Variants in AK4 observed in about 807,000 individuals in gnomAD.
AK4 encodes adenylate kinase 4.
AK4 carries 13 observed loss-of-function variants against 24.6 expected under a neutral mutation model. The ratio of observed to expected loss-of-function variants is 0.53; its 90% CI spans 0.34 to 0.84. The LOEUF (loss-of-function observed/expected upper bound fraction) is 0.84. Among genes scored for constraint, AK4 ranks in the 40% least tolerant of loss-of-function variants. AK4 has a pLI of 0.01. For synonymous variants in AK4, 88 were observed against 107.0 expected (o/e 0.82, Z 1.10); for missense variants, 192 against 288.2 (o/e 0.67, Z 2.42).
chr1:65,193,027 G>A (rs1553124945), intron 2 of AK4, among the ~76,000 whole-genome samples: 1 of 152,162 alleles, frequency 6.6e-6, no homozygotes, highest in Non-Finnish European at 1.5e-5. Context: ...GTTGACAGTG[G>A]CCCACTCCCA....
chr1:65,224,302 G>A (rs191325601), intron 3 of AK4, among the ~76,000 whole-genome samples: 7 of 152,226 alleles, frequency 4.6e-5, no homozygotes, highest in East Asian at 1.9e-4. Context: ...GTACTGAACC[G>A]TATTCTCCTA....
At chr1:65,169,989 G>A (rs1650455580) in intron 1 of AK4, among the ~76,000 whole-genome samples, 2 of 152,036 alleles carry the variant, frequency 1.3e-5, no homozygotes, top group South Asian at 2.1e-4. Flanking sequence ...GTTTTGTAGA[G>A]GAAATGAATT....
rs188984865 is a variant in AK4, at chr1:65,212,607, G to C, written c.266-6147G>C. Among the ~76,000 whole-genome samples the C allele has an allele frequency of 2.2e-3, 333 of 152,190 alleles. 1 individual carries two copies. Among genetic ancestry groups the C allele is most frequent in the African/African-American group, 7.7e-3 (321 of 41,514 alleles). ...GGGCTTATGCAATCCTTCTACCTCA[G>C]CCTCCCAAGTAGCTGGGACTACAGA... On this transcript the variant is annotated intron_variant, in intron 2 of 4. Transcript: ENST00000327299.
chr1:65,205,656 T>C (rs1270241130), intron 2 of AK4, among the ~76,000 whole-genome samples: 4 of 152,234 alleles, frequency 2.6e-5, no homozygotes. Context: ...ATGTCCTATA[T>C]AGAGTGTATC....
intron 1 of AK4, among the ~76,000 whole-genome samples, chr1:65,186,410 C>T (rs374002176): frequency 1.3e-5 from 2 of 152,244 alleles, no homozygotes; most frequent in East Asian, 1.9e-4. Flanking sequence ...ATTACAGGCA[C>T]GAACCATCAG....
chr1:65,199,086 CAAA>C (rs34278926), intron 2 of AK4, among the ~76,000 whole-genome samples: 13 of 104,134 alleles, frequency 1.2e-4, no homozygotes, highest in Admixed American at 2.9e-4. Context: ...GACTCCGCCT[CAAA>C]AAAAAAAAAA....
chr1:65,153,269 T>A (rs1361542827), intron 1 of AK4, among the ~76,000 whole-genome samples: 1 of 152,096 alleles, frequency 6.6e-6, no homozygotes, highest in Non-Finnish European at 1.5e-5. Flanking sequence ...CCAGTGGGAT[T>A]TTTTTTCTTC....
In AK4 at chr1:65,189,136, T is replaced by C. The variant is rs371451629; in HGVS notation, c.146-1574T>C. Among the ~76,000 whole-genome samples the C allele has an allele frequency of 2.8e-4, 42 of 151,810 alleles. 1 individual carries two copies. The highest frequency in any genetic ancestry group is 1.0e-3 in the African/African-American group (42 of 41,404). On this transcript the variant is annotated intron_variant, in intron 1 of 4. Transcript: ENST00000327299. ...TTTTAGTAGAGATGGTATTTCACCATGTTAGCCAGGCTGGTCTCGAACTCT... is the reference window on the plus strand; with the variant it reads ...TTTTAGTAGAGATGGTATTTCACCACGTTAGCCAGGCTGGTCTCGAACTCT...
intron 2 of AK4, among the ~76,000 whole-genome samples, chr1:65,191,114 T>C (rs922610613): frequency 6.6e-6 from 1 of 152,194 alleles, no homozygotes; most frequent in Non-Finnish European, 1.5e-5. Flanking sequence ...TGAGTATAAC[T>C]CCTCTTCAAT....
In AK4 at chr1:65,150,685, C is replaced by G. The variant is rs188294688; in HGVS notation, c.145+2133C>G. 4.6e-5 allele frequency among the ~76,000 whole-genome samples: 7 copies of G among 152,270 alleles called. No homozygotes were observed. In the East Asian group the frequency reaches 1.3e-3, roughly 29 times the overall value. ...TTTCCTGGTGGGAAACACAACCACC[C>G]TTCTGTATGTACCCTTTATAATGGA... On this transcript the variant is annotated intron_variant, in intron 1 of 4. Coordinates refer to ENST00000327299, the MANE Select transcript of AK4 (RefSeq NM_013410.4).
At chr1:65,156,239 A>C (rs1649980557) in intron 1 of AK4, among the ~76,000 whole-genome samples, 1 of 151,826 alleles carries the variant, frequency 6.6e-6, no homozygotes, top group Non-Finnish European at 1.5e-5. Context: ...CCTATCCCTG[A>C]CTCTTGGTTC....
At chr1:65,217,113 C>A (rs1042293793) in intron 2 of AK4, among the ~76,000 whole-genome samples, 1 of 152,152 alleles carries the variant, frequency 6.6e-6, no homozygotes, top group Non-Finnish European at 1.5e-5. Context: ...GTGGATGGCT[C>A]ACAGGCAGTA....
At chr1:65,222,365 C>A (rs1652325629) in intron 3 of AK4, among the ~76,000 whole-genome samples, 1 of 152,148 alleles carries the variant, frequency 6.6e-6, no homozygotes, top group South Asian at 2.1e-4. Flanking sequence ...ACTTTACAGG[C>A]TGATCTTTGT....
At chr1:65,183,797 C>A (rs987859077) in intron 1 of AK4, among the ~76,000 whole-genome samples, 2 of 151,910 alleles carry the variant, frequency 1.3e-5, no homozygotes, top group Non-Finnish European at 2.9e-5. Flanking sequence ...TAAGATGATG[C>A]AGAATGTGAG....
At chr1:65,161,457 A>C (rs1029345637) in intron 1 of AK4, among the ~76,000 whole-genome samples, 1 of 152,152 alleles carries the variant, frequency 6.6e-6, no homozygotes, top group Admixed American at 6.5e-5. Flanking sequence ...ACAAGGCAGC[A>C]AGGAGTGCTT....
At chr1:65,187,835 T>TA (rs1167713824) in intron 1 of AK4, among the ~76,000 whole-genome samples, 4 of 152,198 alleles carry the variant, frequency 2.6e-5, no homozygotes, top group Non-Finnish European at 5.9e-5. Flanking sequence ...ATGGAGTATG[T>TA]AGCCAATAAA....
intron 1 of AK4, among the ~76,000 whole-genome samples, chr1:65,170,228 T>C (rs957715196): frequency 1.3e-5 from 2 of 152,010 alleles, no homozygotes; most frequent in African/African-American, 2.4e-5. Flanking sequence ...ATTACCCAGG[T>C]GCGGTGGCGG....
chr1:65,157,856 A>G (rs1268075898), intron 1 of AK4, among the ~76,000 whole-genome samples: 1 of 152,114 alleles, frequency 6.6e-6, no homozygotes, highest in Admixed American at 6.6e-5. Flanking sequence ...CTAACCCAGC[A>G]TTTAGGAGGA....
At chr1:65,218,179 TAG>T (rs1393820210) in intron 2 of AK4, among the ~76,000 whole-genome samples, 2 of 152,236 alleles carry the variant, frequency 1.3e-5, no homozygotes, top group African/African-American at 4.8e-5. Flanking sequence ...TTAATTGATT[TAG>T]ACTCTAAAAT....
Sources: allele counts gnomAD v4.1 joint callset (sites outside exome capture counted in the v4.1 genomes callset), GRCh38; gene constraint gnomAD v4.1.1; transcripts MANE v1.5; gene names NCBI Gene and HGNC (gene_info 2026-07-23, HGNC 2026-07-21).